KMT2D: variants seen among roughly 807,000 people sequenced by gnomAD.
KMT2D encodes the protein lysine methyltransferase 2D.
In KMT2D, 55 loss-of-function variants were observed where a neutral mutation model predicts 512.7. That is an observed-to-expected ratio of 0.11 (90% confidence interval 0.09 to 0.13). KMT2D has a LOEUF of 0.13. KMT2D is among the 10% of genes least tolerant of loss of function. KMT2D has a pLI of 1.00. For missense variants in KMT2D, 6,061 were observed against 7,127.9 expected (o/e 0.85, Z 5.39); for synonymous variants, 2,995 against 2,904.0 (o/e 1.03, Z -1.01).
rs1335825052 is a variant in KMT2D at position 49,041,872 on chromosome 12, C to A, written c.6183+45G>T. 6.4e-7 allele frequency: 1 copy of A among 1,560,772 alleles called. No homozygotes were observed. Among genetic ancestry groups the A allele is most frequent in the Admixed American group, 1.9e-5 (1 of 53,046 alleles). ...AGGTAAATTACCCAAAGATCCCTCC[C>A]TCCCTCTCAGTTCCCACGCTAATCC... is the stretch of plus-strand genomic sequence containing the variant. On this transcript the variant is annotated intron_variant, in intron 30 of 54. Transcript: ENST00000301067. This position sits in a 1 kb window ranked among gnomAD's most constrained non-coding sequence, Gnocchi z 5.4.
rs1487735574 is a variant in KMT2D at position 49,045,940 on chromosome 12, G to A, written c.4721C>T (p.Pro1574Leu). 1 of 1,613,906 alleles carries A rather than the reference G, an allele frequency of 6.2e-7. No individual in the cohort carries two copies. The highest frequency in any genetic ancestry group is 1.7e-5 in the Admixed American group (1 of 60,018). Residue 1574 changes from proline (P) to leucine (L), a missense_variant, in exon 19 of 55, where the codon CCC (proline) becomes CTC (leucine). This residue lies in a region of KMT2D where 640 missense variants were observed against 814.3 expected (regional missense o/e 0.79). Transcript: ENST00000301067. ...VAPVAPPELV[P>L]MKVKEPEPQY... is the part of the protein sequence containing the mutation. Reference sequence around the variant, plus strand: ...CTCACCTGGCTCTTTCACCTTCATGGGCACCAGCTCTGGAGGTGCAACAGG... The same window carrying A: ...CTCACCTGGCTCTTTCACCTTCATGAGCACCAGCTCTGGAGGTGCAACAGG...
At position 49,032,621 on chromosome 12, in the gene KMT2D, G is replaced by C. The variant is rs553360102; in HGVS notation, c.12084C>G (p.Thr4028=). Residue 4028 remains threonine, a synonymous_variant, in exon 40 of 55, where the codon ACC becomes ACG. Coordinates refer to ENST00000301067, the MANE Select transcript of KMT2D (RefSeq NM_003482.4). Reference sequence around the variant, plus strand: ...CCTCTGAAGAAACGGCTGGGTCTACGGTGTTTTGTTCCTTGCCCGTCAGGA... The same window carrying C: ...CCTCTGAAGAAACGGCTGGGTCTACCGTGTTTTGTTCCTTGCCCGTCAGGA... ...TLLLTGKEQN[T]VDPAVSSEAT... 2 of 1,613,878 alleles carry C rather than the reference G, an allele frequency of 1.2e-6. No individual in the cohort carries two copies. Among genetic ancestry groups the C allele is most frequent in the African/African-American group, 2.7e-5 (2 of 74,918 alleles).
chr12:49,019,620 T>C lies in KMT2D; in HGVS notation c.*2160A>G. 1 of 229,168 alleles carries C rather than the reference T, an allele frequency of 4.4e-6. No homozygotes were observed. Among genetic ancestry groups the C allele is most frequent in the Non-Finnish European group, 8.7e-6 (1 of 115,408 alleles). 14.2% of individuals were successfully genotyped at this position (229,168 alleles called of 1,614,324 possible). A position where few individuals can be genotyped will look rare whatever the true frequency, so the allele number is the denominator to read the frequency against. ...ACAGCCTGACTCACGGGAGCCAATC[T>C]CCCCCTCCCTGTAGCCTAGACCTTC... On this transcript the variant is annotated 3_prime_UTR_variant, in exon 55 of 55. Coordinates refer to ENST00000301067, the MANE Select transcript of KMT2D (RefSeq NM_003482.4).
Position 49,041,542 on chromosome 12 carries a change from G to T in KMT2D, c.6235-7C>A, listed in dbSNP as rs2120548664. On this transcript the variant is annotated splice_polypyrimidine_tract_variant and splice_region_variant and intron_variant, in intron 31 of 54. Transcript: ENST00000301067. The surrounding 1 kb of genome is among the most constrained non-coding windows in gnomAD (Gnocchi z 5.4). The stretch of plus-strand genomic sequence containing the variant: ...TGATCTGGCTCTCAGCCTGCTACAG[G>T]GGGAGACCAGGCATAGGGCAGTCAG... The T allele has an allele frequency of 6.2e-7, 1 of 1,613,264 alleles. No individual in the cohort carries two copies. Among genetic ancestry groups the T allele is most frequent in the East Asian group, 2.2e-5 (1 of 44,880 alleles).
chr12:49,039,620 A>G lies in KMT2D; in HGVS notation c.8047-3T>C, dbSNP rs763292715. 6 of 1,605,952 alleles carry G rather than the reference A, an allele frequency of 3.7e-6. No homozygotes were observed. The highest frequency in any genetic ancestry group is 3.3e-4 in the Middle Eastern group (2 of 6,060). ...AGCAGCTCTCGTAGTCGCTGGCGCTATGCAAAAAAAAGAGAAGAGGAATAA... is the reference window on the plus strand; with the variant it reads ...AGCAGCTCTCGTAGTCGCTGGCGCTGTGCAAAAAAAAGAGAAGAGGAATAA... On this transcript the variant is annotated splice_polypyrimidine_tract_variant and splice_region_variant and intron_variant, in intron 32 of 54. Transcript: ENST00000301067. This position sits in a 1 kb window ranked among gnomAD's most constrained non-coding sequence, Gnocchi z 5.0.
At position 49,038,767 on chromosome 12, in the gene KMT2D, G is replaced by A. The variant is rs2120503745; in HGVS notation, c.8589C>T (p.Gly2863=). The A allele has an allele frequency of 1.2e-6, 2 of 1,602,166 alleles. No individual in the cohort carries two copies. Among genetic ancestry groups the A allele is most frequent in the Middle Eastern group, 1.7e-4 (1 of 6,048 alleles). ...PLAGISTRLP[G]PGEPVPGPAG... is the part of the protein sequence containing the mutation. ...CTGGACCAGGCACTGGCTCACCAGGGCCTGGCAGACGGGTGGAAATTCCCG... is the reference window on the plus strand; with the variant it reads ...CTGGACCAGGCACTGGCTCACCAGGACCTGGCAGACGGGTGGAAATTCCCG... Residue 2863 remains glycine, a synonymous_variant, in exon 35 of 55, where the codon GGC becomes GGT. Coordinates refer to ENST00000301067, the MANE Select transcript of KMT2D (RefSeq NM_003482.4). The surrounding 1 kb of genome is among the most constrained non-coding windows in gnomAD (Gnocchi z 5.7).
Position 49,049,583 on chromosome 12 carries a change from G to A in KMT2D, c.3906+99C>T, listed in dbSNP as rs1366591421. 5 of 1,312,002 alleles carry A rather than the reference G, an allele frequency of 3.8e-6. No individual in the cohort carries two copies. The East Asian group carries it at 7.4e-5, about 19-fold the overall frequency. 81.3% of individuals were successfully genotyped at this position (1,312,002 alleles called of 1,614,324 possible). ...CTGGAATAAAGGATCTCCAAGTCTA[G>A]GATTCACAAAGCAAGGTGGGAAAGT... On this transcript the variant is annotated intron_variant, in intron 12 of 54. Coordinates refer to ENST00000301067, the MANE Select transcript of KMT2D (RefSeq NM_003482.4).
Position 49,054,180 on chromosome 12 carries a change from T to C in KMT2D, c.511-40A>G, listed in dbSNP as rs1396271427. On this transcript the variant is annotated intron_variant, in intron 5 of 54. Transcript: ENST00000301067. This position sits in a 1 kb window ranked among gnomAD's most constrained non-coding sequence, Gnocchi z 6.4. ...AAAGAGCCTCAGTGTCAGCCAGCTC[T>C]CCCCAGACAAACAGTTCAGGCACTA... is the stretch of plus-strand genomic sequence containing the variant. 1 of 1,555,154 alleles carries C rather than the reference T, an allele frequency of 6.4e-7. No individual in the cohort carries two copies. The highest frequency in any genetic ancestry group is 2.4e-5 in the East Asian group (1 of 42,164).
rs1942605717 is a variant in KMT2D, at chr12:49,026,638, G to A, written c.15328C>T (p.Pro5110Ser). Residue 5110 changes from proline to serine, a missense_variant, in exon 49 of 55, where the codon CCC becomes TCC. Pro to Ser is a moderately conservative substitution (Grantham distance 74). This residue lies in a region of KMT2D where 261 missense variants were observed against 440.7 expected (regional missense o/e 0.59). Transcript: ENST00000301067. The surrounding 1 kb of genome is among the most constrained non-coding windows in gnomAD (Gnocchi z 9.6). ...GCACAAGCAAAATGGTAGACATTGGGGCAACGCATGCGATTGCAGCTGCTG... is the reference window on the plus strand; with the variant it reads ...GCACAAGCAAAATGGTAGACATTGGAGCAACGCATGCGATTGCAGCTGCTG... ...ATSSCNRMRC[P>S]NVYHFACAIR... The A allele has an allele frequency of 2.5e-6, 4 of 1,613,868 alleles. No individual in the cohort carries two copies. Among genetic ancestry groups the A allele is most frequent in the Admixed American group, 1.7e-5 (1 of 60,008 alleles).
intron 15 of KMT2D, 32 bp downstream of exon 15, chr12:49,047,933 C>T (rs1341496817): frequency 2.0e-6 from 3 of 1,474,366 alleles, no homozygotes; most frequent in Non-Finnish European, 2.8e-6. Context: ...GACCCTATTC[C>T]CCAGCCTACA....
In KMT2D at chr12:49,022,955, G is replaced by A. The variant is rs2137708334; in HGVS notation, c.16053-80C>T. The A allele has an allele frequency of 7.1e-7, 1 of 1,409,262 alleles. No homozygotes were observed. The highest frequency in any genetic ancestry group is 9.5e-7 in the Non-Finnish European group (1 of 1,051,940). The allele number at this position is 1,409,262 out of a possible 1,614,324, so 87.3% of individuals were successfully genotyped here. ...CCACCCACCTCCTCTGCCACCTCCT[G>A]GGATGTGCAACACACCAGTTAGGGG... On this transcript the variant is annotated intron_variant, in intron 51 of 54. Transcript: ENST00000301067. This position sits in a 1 kb window ranked among gnomAD's most constrained non-coding sequence, Gnocchi z 8.6.
rs1943697527 is a variant in KMT2D, at chr12:49,044,545, T to A, written c.4964-23A>T. 6.2e-7 allele frequency: 1 copy of A among 1,612,296 alleles called. No individual in the cohort carries two copies. Among genetic ancestry groups the A allele is most frequent in the African/African-American group, 1.3e-5 (1 of 74,822 alleles). Reference sequence around the variant, plus strand: ...CACCTGCGTATGGTGACAGAAGAGATGGAGGCAAATCAGAACTATAGGCCC... The same window carrying A: ...CACCTGCGTATGGTGACAGAAGAGAAGGAGGCAAATCAGAACTATAGGCCC... On this transcript the variant is annotated intron_variant, in intron 20 of 54. Transcript: ENST00000301067. The surrounding 1 kb of genome is among the most constrained non-coding windows in gnomAD (Gnocchi z 6.4).
rs2120551904 is a variant in KMT2D at position 49,041,998 on chromosome 12, G to A, written c.6110-8C>T. The A allele has an allele frequency of 6.2e-7, 1 of 1,612,442 alleles. No individual in the cohort carries two copies. Among genetic ancestry groups the A allele is most frequent in the East Asian group, 2.2e-5 (1 of 44,866 alleles). On this transcript the variant is annotated splice_polypyrimidine_tract_variant and splice_region_variant and intron_variant, in intron 29 of 54. Transcript: ENST00000301067. The surrounding 1 kb of genome is among the most constrained non-coding windows in gnomAD (Gnocchi z 5.4). ...TGCAACGGCTTGACCAGTCTGGAGG[G>A]CAGAGAGAGTGAGTCAGAGAAGACT...
At chr12:49,047,674 C>A (rs541776275) in intron 15 of KMT2D, among the ~76,000 whole-genome samples, 3 of 152,220 alleles carry the variant, frequency 2.0e-5, no homozygotes, top group Admixed American at 1.3e-4. Context: ...CCCACCTAGG[C>A]CTCCCAAAGT....
Position 49,019,450 on chromosome 12 carries a change from C to G in KMT2D, c.*2330G>C. 1 of 223,408 alleles carries G rather than the reference C, an allele frequency of 4.5e-6. No individual in the cohort carries two copies. Among genetic ancestry groups the G allele is most frequent in the Non-Finnish European group, 9.0e-6 (1 of 111,584 alleles). 13.8% of individuals were successfully genotyped at this position (223,408 alleles called of 1,614,324 possible). ...ACCAACCAAAATTCCAACCTTGTAG[C>G]TTGGGTCTGAGTTATAGTTTATATA... On this transcript the variant is annotated 3_prime_UTR_variant, in exon 55 of 55. Coordinates refer to ENST00000301067, the MANE Select transcript of KMT2D (RefSeq NM_003482.4).
intron 1 of KMT2D, among the ~76,000 whole-genome samples, chr12:49,056,593 C>T (rs1203451605): frequency 6.6e-6 from 1 of 152,138 alleles, no homozygotes; most frequent in East Asian, 1.9e-4. Flanking sequence ...ATACAGTGTT[C>T]CTAGAGAAAG....
rs77794669 is a variant in KMT2D at position 49,042,222 on chromosome 12, C to A, written c.5976G>T (p.Glu1992Asp). The A allele has an allele frequency of 6.3e-7, 1 of 1,599,430 alleles. No homozygotes were observed. The highest frequency in any genetic ancestry group is 2.3e-5 in the East Asian group (1 of 44,228). ...STPTTPTTEG[E>D]GDGLSYNQRS... ...GCTGGTTATAGGAGAGTCCGTCGCCCTCACCCTCCGTGGTGGGGGTTGTGG... is the reference window on the plus strand; with the variant it reads ...GCTGGTTATAGGAGAGTCCGTCGCCATCACCCTCCGTGGTGGGGGTTGTGG... Residue 1992 changes from glutamate (E) to aspartate (D), a missense_variant, in exon 29 of 55, where the codon GAG becomes GAT. This residue lies in a region of KMT2D where 640 missense variants were observed against 814.3 expected (regional missense o/e 0.79). Coordinates refer to ENST00000301067, the MANE Select transcript of KMT2D (RefSeq NM_003482.4). The surrounding 1 kb of genome is among the most constrained non-coding windows in gnomAD (Gnocchi z 4.4).
Position 49,044,856 on chromosome 12 carries a change from C to A in KMT2D, c.4851G>T (p.Arg1617=), listed in dbSNP as rs758876552. The A allele has an allele frequency of 1.9e-6, 3 of 1,614,056 alleles. No individual in the cohort carries two copies. Among genetic ancestry groups the A allele is most frequent in the Non-Finnish European group, 2.5e-6 (3 of 1,179,904 alleles). ...PLHKRRQRRG[R]LGLPGEAGLE... is the part of the protein sequence containing the mutation. ...ATCCTGCCTCGCCTGGGAGGCCAAG[C>A]CGTCCTCGCCGTTGGCGCCGCTTGT... The change falls in exon 20 of 55, where the codon CGG becomes CGT. Residue 1617 remains arginine, a synonymous_variant. Coordinates refer to ENST00000301067, the MANE Select transcript of KMT2D (RefSeq NM_003482.4). The surrounding 1 kb of genome is among the most constrained non-coding windows in gnomAD (Gnocchi z 6.4).
In KMT2D at chr12:49,050,440, A is replaced by G. The variant is rs764476445; in HGVS notation, c.3148T>C (p.Ser1050Pro). ...ATGGGACTCAACGGGGAGGGAACGG[A>G]CAGTGGTAGGGCAGGAGGAGAGCAC... ...SQCSPPALPL[S>P]VPSPLSPIGK... Residue 1050 changes from serine (S) to proline (P), a missense_variant, in exon 12 of 55, where the codon TCC becomes CCC. Ser to Pro is a moderately conservative substitution (Grantham distance 74, BLOSUM62 -1). Transcript: ENST00000301067. 2 of 1,613,936 alleles carry G rather than the reference A, an allele frequency of 1.2e-6. No individual in the cohort carries two copies. Among genetic ancestry groups the G allele is most frequent in the Non-Finnish European group, 1.7e-6 (2 of 1,179,858 alleles).
Sources: allele counts gnomAD v4.1 joint callset (sites outside exome capture counted in the v4.1 genomes callset), GRCh38; gene constraint gnomAD v4.1.1; regional missense constraint gnomAD v4.1.1; non-coding constraint Gnocchi (gnomAD v3.1); transcripts MANE v1.5; gene names NCBI Gene and HGNC (gene_info 2026-07-23, HGNC 2026-07-21).